The following CNTN6 variants were observed in gnomAD, a reference collection of about 807,000 sequenced individuals.
CNTN6 encodes contactin 6.
In CNTN6, 137 loss-of-function variants were observed where a neutral mutation model predicts 122.8. The observed-to-expected ratio is 1.12, with a 90% CI of 0.97 to 1.29. CNTN6 has a LOEUF of 1.29. CNTN6 is among the 50% of genes most tolerant of loss of function. The pLI is 0.00. For synonymous variants in CNTN6, 570 were observed against 426.0 expected (o/e 1.34, Z -4.16); for missense variants, 1,634 against 1,223.4 (o/e 1.34, Z -5.01).
intron 2 of CNTN6, among the ~76,000 whole-genome samples, chr3:1,162,381 T>C (rs1036655225): frequency 2.0e-5 from 3 of 151,428 alleles, no homozygotes; most frequent in African/African-American, 7.3e-5. Context: ...ACATTTGGGG[T>C]TGTACAGCTC....
At chr3:1,156,597 TTTC>T (rs2092968035) in intron 2 of CNTN6, among the ~76,000 whole-genome samples, 1 of 150,862 alleles carries the variant, frequency 6.6e-6, no homozygotes, top group Non-Finnish European at 1.5e-5. Context: ...TCAGACTTTC[TTTC>T]TTTCTTTCTT....
intron 1 of CNTN6, among the ~76,000 whole-genome samples, chr3:1,101,210 T>A (rs2090876047): frequency 1.3e-5 from 2 of 152,140 alleles, no homozygotes; most frequent in African/African-American, 4.8e-5. Context: ...CTTTTTCGGA[T>A]TCTTTTTTCT....
chr3:1,325,739 A>G, intron 8 of CNTN6, 76 bp from the exon 9 acceptor site: 1 of 1,517,616 alleles, frequency 6.6e-7, no homozygotes, highest in Admixed American at 1.8e-5. Context: ...TCTGATCTCT[A>G]CAGCCCTTGT....
intron 1 of CNTN6, among the ~76,000 whole-genome samples, chr3:1,122,767 C>T (rs1301594317): frequency 6.6e-6 from 1 of 151,836 alleles, no homozygotes; most frequent in South Asian, 2.1e-4. Flanking sequence ...TACGTTTCGG[C>T]GTGTGTCAGA....
intron 1 of CNTN6, among the ~76,000 whole-genome samples, chr3:1,108,060 A>G (rs1382994727): frequency 6.6e-6 from 1 of 152,098 alleles, no homozygotes; most frequent in East Asian, 1.9e-4. Flanking sequence ...GATAGCTCCC[A>G]GCATCTACAT....
intron 7 of CNTN6, among the ~76,000 whole-genome samples, chr3:1,304,294 T>C (rs1196862048): frequency 6.6e-6 from 1 of 151,382 alleles, no homozygotes; most frequent in Non-Finnish European, 1.5e-5. Context: ...GTTTTTTTTT[T>C]CCATATATTT....
At chr3:1,180,130 T>G (rs1417818076) in intron 2 of CNTN6, among the ~76,000 whole-genome samples, 1 of 151,980 alleles carries the variant, frequency 6.6e-6, no homozygotes, top group Non-Finnish European at 1.5e-5. Flanking sequence ...CAAGCAAAAG[T>G]TGGAGGTCTC....
intron 4 of CNTN6, among the ~76,000 whole-genome samples, chr3:1,234,396 G>C (rs1307558543): frequency 6.6e-6 from 1 of 152,026 alleles, no homozygotes; most frequent in African/African-American, 2.4e-5. Context: ...GGTCTTATAA[G>C]CAAGAACAAA....
At chr3:1,361,202 C>T (rs563958731) in intron 12 of CNTN6, among the ~76,000 whole-genome samples, 3 of 152,078 alleles carry the variant, frequency 2.0e-5, no homozygotes, top group Non-Finnish European at 2.9e-5. Context: ...TAAACCCACA[C>T]CTTGACACAC....
intron 2 of CNTN6, among the ~76,000 whole-genome samples, chr3:1,152,161 T>C (rs902399999): frequency 1.2e-4 from 19 of 152,260 alleles, no homozygotes; most frequent in African/African-American, 3.6e-4. Flanking sequence ...TTTTTTGAGA[T>C]GGCGTCTCCC....
In CNTN6 at chr3:1,376,080, C is replaced by T. The variant is rs182644886; in HGVS notation, c.2096-925C>T. On this transcript the variant is annotated intron_variant, in intron 16 of 22. Transcript: ENST00000446702. Reference sequence around the variant, plus strand: ...AGACATGGTCCAGTATAGACAATTTCATGTAATTCCACATTTAAAAAGTAT... The same window carrying T: ...AGACATGGTCCAGTATAGACAATTTTATGTAATTCCACATTTAAAAAGTAT... 3.1e-4 allele frequency among the ~76,000 whole-genome samples: 47 copies of T among 152,202 alleles called. No individual in the cohort carries two copies. In the East Asian group the frequency reaches 6.4e-3, roughly 21 times the overall value.
intron 2 of CNTN6, among the ~76,000 whole-genome samples, chr3:1,200,836 T>C (rs1179100520): frequency 6.6e-6 from 1 of 152,290 alleles, no homozygotes; most frequent in South Asian, 2.1e-4. Context: ...ATAACTTGAC[T>C]TCTCTAAATA....
chr3:1,210,280 A>G (rs1010368362), intron 2 of CNTN6, among the ~76,000 whole-genome samples: 2 of 152,012 alleles, frequency 1.3e-5, no homozygotes, highest in African/African-American at 4.8e-5. Context: ...ACATTTCTCT[A>G]AGTATTTTTT....
chr3:1,140,801 C>T (rs1044960256), intron 1 of CNTN6, among the ~76,000 whole-genome samples: 2 of 152,180 alleles, frequency 1.3e-5, no homozygotes, highest in Non-Finnish European at 1.5e-5. Flanking sequence ...AATCATGGCT[C>T]CTCTAGGAAA....
chr3:1,284,827 T>C (rs1425121466), intron 5 of CNTN6, among the ~76,000 whole-genome samples: 1 of 152,112 alleles, frequency 6.6e-6, no homozygotes, highest in Non-Finnish European at 1.5e-5. Flanking sequence ...GTGGAGGAAA[T>C]AGCATGTCAA....
chr3:1,095,395 C>T (rs539050686), intron 1 of CNTN6, among the ~76,000 whole-genome samples: 7 of 152,178 alleles, frequency 4.6e-5, no homozygotes, highest in African/African-American at 1.4e-4. Flanking sequence ...CACTTGACCC[C>T]GGGAGGCGGA....
intron 4 of CNTN6, among the ~76,000 whole-genome samples, chr3:1,277,021 G>A (rs1476137644): frequency 6.6e-6 from 1 of 152,172 alleles, no homozygotes; most frequent in African/African-American, 2.4e-5. Context: ...CTCAAACATA[G>A]TAAGTGAAAG....
At chr3:1,100,766 C>T (rs570001504) in intron 1 of CNTN6, among the ~76,000 whole-genome samples, 2 of 151,970 alleles carry the variant, frequency 1.3e-5, no homozygotes, top group South Asian at 4.1e-4. Flanking sequence ...TTATATTGCT[C>T]TTTTAAAAAT....
At chr3:1,370,907 A>G (rs1395935108) in intron 12 of CNTN6, among the ~76,000 whole-genome samples, 1 of 152,096 alleles carries the variant, frequency 6.6e-6, no homozygotes, top group Non-Finnish European at 1.5e-5. Context: ...TATGGAAAGT[A>G]TTTTAAATAA....
Sources: gnomAD v4.1 joint callset for allele counts (sites outside exome capture counted in the v4.1 genomes callset) on GRCh38, gnomAD v4.1.1 for gene constraint, MANE v1.5 for transcripts, NCBI Gene and HGNC (gene_info 2026-07-23, HGNC 2026-07-21) for gene names.